NRAP: variants seen among roughly 807,000 people sequenced by gnomAD.
NRAP encodes the protein nebulin related anchoring protein.
Under a neutral mutation model 225.9 loss-of-function variants are expected in NRAP, and 189 were observed. The ratio of observed to expected loss-of-function variants is 0.84; its 90% CI spans 0.74 to 0.94. The LOEUF is 0.94. Among genes scored for constraint, NRAP ranks in the 40% least tolerant of loss-of-function variants. The pLI is 0.00. For missense variants in NRAP, 2,176 were observed against 2,168.7 expected (o/e 1.00, Z -0.07); for synonymous variants, 769 against 790.7 (o/e 0.97, Z 0.46).
intron 4 of NRAP, among the ~76,000 whole-genome samples, chr10:113,655,882 C>T (rs1008116187): frequency 6.6e-6 from 1 of 152,098 alleles, no homozygotes; most frequent in Non-Finnish European, 1.5e-5. Flanking sequence ...CATATTGTTT[C>T]ATGAAAAAAG....
chr10:113,639,431 A>C (rs919180984), intron 14 of NRAP, among the ~76,000 whole-genome samples: 1 of 152,180 alleles, frequency 6.6e-6, no homozygotes, highest in Non-Finnish European at 1.5e-5. Context: ...TCAATTTCTA[A>C]AGTTGTACTG....
intron 20 of NRAP, among the ~76,000 whole-genome samples, chr10:113,628,259 T>A (rs1236149216): frequency 6.6e-6 from 1 of 152,050 alleles, no homozygotes. Context: ...ACGATCTCGG[T>A]TCACTGCAAC....
chr10:113,634,272 C>A, intron 14 of NRAP, 62 bp from the exon 15 acceptor site: 1 of 1,207,712 alleles, frequency 8.3e-7, no homozygotes, highest in Non-Finnish European at 1.2e-6. Context: ...TGCTTAGCTC[C>A]CTCTCCCAAG....
chr10:113,617,003 A>C (rs1847703642), intron 26 of NRAP, among the ~76,000 whole-genome samples: 2 of 152,298 alleles, frequency 1.3e-5, no homozygotes, highest in South Asian at 4.1e-4. Context: ...AGTCTGATGT[A>C]TATAAATCAG....
intron 14 of NRAP, among the ~76,000 whole-genome samples, chr10:113,637,806 CA>C (rs1848964106): frequency 1.3e-5 from 2 of 151,986 alleles, no homozygotes; most frequent in African/African-American, 4.8e-5. Flanking sequence ...CCTGTAATCC[CA>C]GCTACTCGGG....
intron 15 of NRAP, 64 bp downstream of exon 15, chr10:113,634,048 C>T: frequency 2.0e-6 from 2 of 1,019,420 alleles, no homozygotes; most frequent in Non-Finnish European, 3.1e-6. Context: ...GGTCAGATGT[C>T]CAGAGGCCTC....
At chr10:113,636,405 C>T (rs1848869830) in intron 14 of NRAP, among the ~76,000 whole-genome samples, 1 of 152,300 alleles carries the variant, frequency 6.6e-6, no homozygotes, top group East Asian at 1.9e-4. Context: ...CCTATGGCCA[C>T]CTCCCTGAGA....
intron 38 of NRAP, among the ~76,000 whole-genome samples, chr10:113,593,017 G>A (rs1046030845): frequency 1.3e-5 from 2 of 152,032 alleles, no homozygotes; most frequent in African/African-American, 4.8e-5. Flanking sequence ...CACCGATAGA[G>A]GCATCAAAAT....
At chr10:113,652,037 C>T (rs1850008338) in intron 6 of NRAP, 130 bp from the exon 7 acceptor site, 6 of 688,366 alleles carry the variant, frequency 8.7e-6, no homozygotes, top group South Asian at 1.6e-5. Flanking sequence ...TCTTCTGTGG[C>T]TTGTTTCATG....
At chr10:113,601,791 T>C (rs894584645) in intron 35 of NRAP, among the ~76,000 whole-genome samples, 1 of 152,200 alleles carries the variant, frequency 6.6e-6, no homozygotes, top group African/African-American at 2.4e-5. Context: ...AAATTTGACA[T>C]TATGTGGATC....
At chr10:113,633,989 T>C (rs1212169000) in intron 15 of NRAP, 123 bp downstream of exon 15, 2 of 696,658 alleles carry the variant, frequency 2.9e-6, no homozygotes, top group Non-Finnish European at 5.1e-6. Flanking sequence ...GGTCATTTTC[T>C]GGCTGTAATA....
chr10:113,629,893 G>A (rs889071832), intron 18 of NRAP, 108 bp from the exon 19 acceptor site: 15 of 691,874 alleles, frequency 2.2e-5, no homozygotes, highest in African/African-American at 1.2e-4. Flanking sequence ...CAGGAGAATC[G>A]GCACTCTGGG....
intron 10 of NRAP, 150 bp downstream of exon 10, chr10:113,646,773 G>T (rs568198856): frequency 1.5e-6 from 1 of 651,416 alleles, no homozygotes; most frequent in Non-Finnish European, 2.8e-6. Flanking sequence ...GCCAAAGCAG[G>T]CATCATAAAT....
chr10:113,597,575 TATG>T (rs2133853811), intron 36 of NRAP, among the ~76,000 whole-genome samples: 1 of 152,264 alleles, frequency 6.6e-6, no homozygotes, highest in African/African-American at 2.4e-5. Flanking sequence ...AGGCTGTTAG[TATG>T]GTAAGGAGTT....
At chr10:113,626,921 C>T (rs1848321284) in intron 20 of NRAP, among the ~76,000 whole-genome samples, 2 of 152,222 alleles carry the variant, frequency 1.3e-5, no homozygotes, top group South Asian at 4.1e-4. Context: ...AGATTAGCTC[C>T]TCTGGCTTTT....
intron 3 of NRAP, among the ~76,000 whole-genome samples, chr10:113,658,013 T>C (rs961116541): frequency 6.6e-6 from 1 of 152,254 alleles, no homozygotes; most frequent in African/African-American, 2.4e-5. Context: ...TGATTTATAA[T>C]ACACCTTGAG....
rs1388748465 is a variant in NRAP at position 113,657,631 on chromosome 10, G to A, written c.256-57C>T. 5 of 1,026,750 alleles carry A rather than the reference G, an allele frequency of 4.9e-6. No individual in the cohort carries two copies. The African/African-American group carries it at 7.9e-5, about 16-fold the overall frequency. The allele number at this position is 1,026,750 out of a possible 1,614,324, so 63.6% of individuals were successfully genotyped here. On this transcript the variant is annotated intron_variant, in intron 3 of 41. Coordinates refer to ENST00000359988, the MANE Select transcript of NRAP (RefSeq NM_198060.4). ...CCATCAGAAAAGAGAAAAAAACATA[G>A]ACAAACAATTCCTAGCTAAAATTGG...
intron 29 of NRAP, 106 bp downstream of exon 29, chr10:113,614,077 C>T: frequency 1.3e-6 from 1 of 753,840 alleles, no homozygotes; most frequent in Non-Finnish European, 2.4e-6. Flanking sequence ...AAGTTAGCAA[C>T]AGAACCAATA....
chr10:113,608,694 AGAG>A (rs556051017), intron 31 of NRAP, among the ~76,000 whole-genome samples, 182 bp from the exon 32 acceptor site: 7 of 152,232 alleles, frequency 4.6e-5, no homozygotes, highest in Non-Finnish European at 8.8e-5. Flanking sequence ...GAGGAAGCAG[AGAG>A]GAGGATAGGA....
Sources: gnomAD v4.1 joint callset for allele counts (sites outside exome capture counted in the v4.1 genomes callset) on GRCh38, gnomAD v4.1.1 for gene constraint, MANE v1.5 for transcripts, NCBI Gene and HGNC (gene_info 2026-07-23, HGNC 2026-07-21) for gene names.